Variants in POLA1 observed in about 807,000 individuals in gnomAD.
POLA1 encodes the protein DNA polymerase alpha catalytic subunit.
POLA1 carries 15 observed loss-of-function variants against 124.0 expected under a neutral mutation model. That is an observed-to-expected ratio of 0.12 (90% CI 0.08 to 0.19). The LOEUF (loss-of-function observed/expected upper bound fraction) is 0.19. Ranked by LOEUF, POLA1 falls within the 10% of genes least tolerant of loss-of-function variation. The pLI is 1.00. For synonymous variants in POLA1, 408 were observed against 389.4 expected, an observed-to-expected ratio of 1.05 and a Z score of -0.56; for missense variants, 886 against 1,103.4, an observed-to-expected ratio of 0.80 and a Z score of 2.79.
chrX:24,992,670 G>A (rs1423749794), intron 36 of POLA1, among the ~76,000 whole-genome samples: 1 of 112,311 alleles, frequency 8.9e-6, no homozygotes, highest in Non-Finnish European at 1.9e-5. Flanking sequence ...GTCCAAAAAG[G>A]GTTTTATAAA....
chrX:24,933,085 C>T (rs1388402585), intron 36 of POLA1, among the ~76,000 whole-genome samples: 1 of 111,634 alleles, frequency 9.0e-6, no homozygotes. Context: ...GCTTAGGAAG[C>T]TATAATTTTT....
intron 35 of POLA1, among the ~76,000 whole-genome samples, chrX:24,928,542 A>G (rs2047727617): frequency 1.8e-5 from 2 of 112,429 alleles, no homozygotes; most frequent in East Asian, 5.5e-4. Flanking sequence ...AACAGAATGG[A>G]CCCAATAATG....
intron 10 of POLA1, among the ~76,000 whole-genome samples, chrX:24,719,850 C>G (rs759918379): frequency 9.0e-6 from 1 of 111,463 alleles, no homozygotes; most frequent in Admixed American, 9.5e-5. Context: ...CTTACCTTCT[C>G]TTTTTCCTCA....
intron 35 of POLA1, among the ~76,000 whole-genome samples, chrX:24,920,243 G>C (rs1009150807): frequency 9.0e-6 from 1 of 111,578 alleles, no homozygotes; most frequent in East Asian, 2.8e-4. Context: ...ATAAAATTAA[G>C]TTGACACATT....
intron 36 of POLA1, among the ~76,000 whole-genome samples, chrX:24,932,558 T>G (rs1046322494): frequency 8.9e-6 from 1 of 112,152 alleles, no homozygotes; most frequent in African/African-American, 3.2e-5. Context: ...TTTCACAAGT[T>G]TAAGGATCAG....
chrX:24,854,524 A>G (rs188017490), intron 34 of POLA1, among the ~76,000 whole-genome samples: 5 of 110,962 alleles, frequency 4.5e-5, no homozygotes, highest in Non-Finnish European at 9.4e-5. Flanking sequence ...GACTGTAGCA[A>G]TTTATCCTAA....
chrX:24,771,050 G>T (rs760328089), intron 26 of POLA1, among the ~76,000 whole-genome samples: 4 of 111,393 alleles, frequency 3.6e-5, no homozygotes, highest in Admixed American at 1.9e-4. Context: ...CCATCTCCTA[G>T]TGAGATGCAT....
intron 28 of POLA1, among the ~76,000 whole-genome samples, 200 bp from the exon 29 acceptor site, chrX:24,812,458 T>A (rs893479911): frequency 9.0e-6 from 1 of 111,587 alleles, no homozygotes; most frequent in African/African-American, 3.3e-5. Context: ...CTCTTTTTTT[T>A]AATCTATTTT....
chrX:24,959,502 C>CTT, intron 36 of POLA1, among the ~76,000 whole-genome samples: 1 of 109,833 alleles, frequency 9.1e-6, no homozygotes, highest in South Asian at 4.0e-4. Context: ...GGTTCTACCT[C>CTT]TAAGTACATC....
intron 1 of POLA1, among the ~76,000 whole-genome samples, chrX:24,695,613 G>A (rs909530297): frequency 9.0e-6 from 1 of 110,836 alleles, no homozygotes; most frequent in Non-Finnish European, 1.9e-5. Flanking sequence ...GAGTTGCTGG[G>A]ATTACAGGTG....
intron 36 of POLA1, among the ~76,000 whole-genome samples, chrX:24,942,968 A>AT (rs943414277): frequency 8.9e-6 from 1 of 112,402 alleles, no homozygotes; most frequent in Non-Finnish European, 1.9e-5. Context: ...AAGTGCTGGG[A>AT]TTACAGGCGT....
chrX:24,798,030 A>G (rs761769303), intron 26 of POLA1, among the ~76,000 whole-genome samples: 1 of 111,264 alleles, frequency 9.0e-6, no homozygotes, highest in South Asian at 3.9e-4. Flanking sequence ...TCTGGGTGAC[A>G]CAGCGAGACC....
intron 26 of POLA1, among the ~76,000 whole-genome samples, chrX:24,775,513 A>G (rs2148444836): frequency 8.9e-6 from 1 of 112,267 alleles, no homozygotes; most frequent in Admixed American, 9.5e-5. Context: ...ACAGTGGTGT[A>G]CACACGAGCA....
chrX:24,975,579 A>G (rs1386745840), intron 36 of POLA1, among the ~76,000 whole-genome samples: 1 of 112,308 alleles, frequency 8.9e-6, no homozygotes, highest in Non-Finnish European at 1.9e-5. Flanking sequence ...CTGTGGTAAC[A>G]TCACACATCA....
At chrX:24,797,559 A>G (rs945042079) in intron 26 of POLA1, among the ~76,000 whole-genome samples, 3 of 111,985 alleles carry the variant, frequency 2.7e-5, no homozygotes, top group Non-Finnish European at 3.8e-5. Context: ...GTTATGCCCT[A>G]TAAGAGGGAA....
At position 24,785,532 on chromosome X, in the gene POLA1, A is replaced by G. The variant is rs536352430; in HGVS notation, c.2965-24366A>G. Among the ~76,000 whole-genome samples the G allele has an allele frequency of 4.9e-3, 555 of 112,344 alleles. 1 individual carries two copies. Among genetic ancestry groups the G allele is most frequent in the Non-Finnish European group, 8.8e-3 (471 of 53,251 alleles). On this transcript the variant is annotated intron_variant, in intron 26 of 36. Transcript: ENST00000379068. ...TTGCCTTTTACAAAAAACAAGAGCA[A>G]AGTACCACAAATACTGGCAGTTGTT...
At chrX:24,785,376 T>C (rs1231873137) in intron 26 of POLA1, among the ~76,000 whole-genome samples, 1 of 111,916 alleles carries the variant, frequency 8.9e-6, no homozygotes, top group Non-Finnish European at 1.9e-5. Context: ...TGGAGAGGCA[T>C]ATTTATTGGG....
chrX:24,863,315 C>T lies in POLA1; in HGVS notation c.4047+19638C>T, dbSNP rs144606734. On this transcript the variant is annotated intron_variant, in intron 34 of 36. Coordinates refer to ENST00000379068, the MANE Select transcript of POLA1 (RefSeq NM_001330360.2). ...CTAATCGACATTCTACAACACAAAA[C>T]CAAGGTGGTAATAAAGGAAAGGAAA... 4.7e-3 allele frequency among the ~76,000 whole-genome samples: 505 copies of T among 107,293 alleles called. 2 individuals are homozygous for T. Among genetic ancestry groups the T allele is most frequent in the Non-Finnish European group, 7.5e-3 (391 of 51,986 alleles). 93.2% of individuals were successfully genotyped at this position (107,293 alleles called of 115,157 possible). A position where few individuals can be genotyped will look rare whatever the true frequency, so the allele number is the denominator to read the frequency against.
chrX:24,819,282 G>A (rs1250747025), intron 30 of POLA1, among the ~76,000 whole-genome samples: 1 of 111,778 alleles, frequency 8.9e-6, no homozygotes, highest in Non-Finnish European at 1.9e-5. Context: ...GAAGCTTTCC[G>A]GCTCACAGAA....
Sources: gnomAD v4.1 joint callset for allele counts (sites outside exome capture counted in the v4.1 genomes callset) on GRCh38, gnomAD v4.1.1 for gene constraint, MANE v1.5 for transcripts, NCBI Gene and HGNC (gene_info 2026-07-23, HGNC 2026-07-21) for gene names.